The following NPAS3 variants were observed in gnomAD, a reference collection of about 807,000 sequenced individuals.
The protein encoded by NPAS3 is neuronal PAS domain-containing protein 3.
Under a neutral mutation model 73.1 loss-of-function variants are expected in NPAS3, and 14 were observed. That is an observed-to-expected ratio of 0.19 (90% CI 0.13 to 0.30). The LOEUF is 0.30. Among genes scored for constraint, NPAS3 ranks in the 10% least tolerant of loss-of-function variants. NPAS3 has a pLI of 1.00. For synonymous variants in NPAS3, 620 were observed against 541.5 expected, an observed-to-expected ratio of 1.14 and a Z score of -2.01; for missense variants, 1,096 against 1,250.0, an observed-to-expected ratio of 0.88 and a Z score of 1.86.
At chr14:33,481,589 A>G (rs1293859104) in intron 4 of NPAS3, among the ~76,000 whole-genome samples, 1 of 152,196 alleles carries the variant, frequency 6.6e-6, no homozygotes, top group Admixed American at 6.5e-5. Context: ...AGTTTATTTA[A>G]ATACAATTCT....
At chr14:33,641,246 C>T (rs914480092) in intron 5 of NPAS3, among the ~76,000 whole-genome samples, 20 of 152,244 alleles carry the variant, frequency 1.3e-4, no homozygotes, top group African/African-American at 4.6e-4. Context: ...TCTTTCTTAG[C>T]CCTCTCTGTA....
intron 3 of NPAS3, among the ~76,000 whole-genome samples, chr14:33,241,609 CT>C (rs1354992374): frequency 4.6e-5 from 7 of 151,956 alleles, no homozygotes; most frequent in Non-Finnish European, 1.0e-4. Context: ...CCTTAATAAT[CT>C]TGTTAGTCTA....
intron 4 of NPAS3, among the ~76,000 whole-genome samples, chr14:33,485,204 C>T (rs529256958): frequency 9.2e-4 from 140 of 152,254 alleles, no homozygotes; most frequent in African/African-American, 3.3e-3. Flanking sequence ...TTAGCCTCAT[C>T]TTTGTGTAAA....
intron 3 of NPAS3, among the ~76,000 whole-genome samples, chr14:33,319,767 C>T (rs900141068): frequency 2.0e-5 from 3 of 152,094 alleles, no homozygotes; most frequent in Non-Finnish European, 4.4e-5. Flanking sequence ...CTCCAAATGC[C>T]AACAGGGCCA....
At chr14:33,447,877 T>G (rs190300756) in intron 4 of NPAS3, among the ~76,000 whole-genome samples, 2 of 152,268 alleles carry the variant, frequency 1.3e-5, no homozygotes, top group South Asian at 2.1e-4. Context: ...ATTGTGCCAC[T>G]GTACTCTAGC....
chr14:33,775,876 G>A (rs769861094), intron 8 of NPAS3, among the ~76,000 whole-genome samples: 7 of 152,156 alleles, frequency 4.6e-5, no homozygotes, highest in Non-Finnish European at 1.0e-4. Context: ...CTACACATGG[G>A]GCGTGTGCAA....
At chr14:33,492,386 T>C (rs1349881448) in intron 4 of NPAS3, among the ~76,000 whole-genome samples, 1 of 152,086 alleles carries the variant, frequency 6.6e-6, no homozygotes, top group Non-Finnish European at 1.5e-5. Context: ...GGTAACATGC[T>C]TTTACTAAGG....
intron 4 of NPAS3, among the ~76,000 whole-genome samples, chr14:33,399,127 G>A (rs748034036): frequency 6.6e-5 from 10 of 152,028 alleles, no homozygotes; most frequent in South Asian, 4.1e-4. Context: ...GAAGAAAATC[G>A]TACATTTTAG....
At chr14:33,264,611 G>C (rs2049103984) in intron 3 of NPAS3, among the ~76,000 whole-genome samples, 1 of 152,132 alleles carries the variant, frequency 6.6e-6, no homozygotes, top group South Asian at 2.1e-4. Flanking sequence ...GTTAGTGTCT[G>C]AATGGTACTA....
intron 1 of NPAS3, among the ~76,000 whole-genome samples, chr14:32,967,069 A>G (rs994806438): frequency 5.9e-5 from 9 of 152,116 alleles, no homozygotes; most frequent in African/African-American, 2.2e-4. Context: ...GAACCTTGAA[A>G]AACATGGATT....
At chr14:33,350,587 T>C (rs1003571776) in intron 3 of NPAS3, among the ~76,000 whole-genome samples, 1 of 152,240 alleles carries the variant, frequency 6.6e-6, no homozygotes, top group African/African-American at 2.4e-5. Context: ...ACAAACGCAC[T>C]GAAGAGACAG....
In NPAS3 at chr14:33,521,333, T is replaced by C. The variant is rs896353693; in HGVS notation, c.469-38788T>C. On this transcript the variant is annotated intron_variant, in intron 4 of 11. Coordinates refer to ENST00000356141, the Ensembl canonical transcript of NPAS3. ...GCTTGATAAGTATCTCAGGATATTCTGCAGGAATCAGTTCTGTTTCTACAA... is the reference window on the plus strand; with the variant it reads ...GCTTGATAAGTATCTCAGGATATTCCGCAGGAATCAGTTCTGTTTCTACAA... Among the ~76,000 whole-genome samples the C allele has an allele frequency of 2.0e-5, 3 of 152,126 alleles. No homozygotes were observed. In the East Asian group the frequency reaches 5.8e-4, roughly 30 times the overall value.
chr14:33,333,104 G>T (rs1207898555), intron 3 of NPAS3, among the ~76,000 whole-genome samples: 1 of 152,168 alleles, frequency 6.6e-6, no homozygotes, highest in Non-Finnish European at 1.5e-5. Flanking sequence ...ACAGAATGGG[G>T]CATTGGTGGG....
chr14:33,445,999 G>A (rs1482040451), intron 4 of NPAS3, among the ~76,000 whole-genome samples: 1 of 150,190 alleles, frequency 6.7e-6, no homozygotes, highest in Non-Finnish European at 1.5e-5. Context: ...CAGTTTTTGT[G>A]GCTTTAGTGA....
intron 2 of NPAS3, among the ~76,000 whole-genome samples, chr14:33,156,387 A>C (rs2044649125): frequency 6.6e-6 from 1 of 152,172 alleles, no homozygotes; most frequent in Non-Finnish European, 1.5e-5. Context: ...AAGTTTGCTA[A>C]AGCTTTTTAA....
chr14:33,095,928 G>T (rs985934615), intron 2 of NPAS3, among the ~76,000 whole-genome samples: 5 of 151,454 alleles, frequency 3.3e-5, no homozygotes, highest in South Asian at 2.1e-4. Flanking sequence ...CGATTCGCCC[G>T]CCTTGGCCTC....
intron 5 of NPAS3, among the ~76,000 whole-genome samples, chr14:33,640,163 G>C (rs2058637237): frequency 2.0e-5 from 3 of 151,702 alleles, no homozygotes; most frequent in African/African-American, 7.3e-5. Flanking sequence ...GTTGCAGTGA[G>C]CCGAGATCGC....
rs540855354 is a variant in NPAS3, at chr14:33,772,782, A to G, written c.853-1555A>G. Among the ~76,000 whole-genome samples the G allele has an allele frequency of 2.0e-5, 3 of 152,282 alleles. No homozygotes were observed. In the East Asian group the frequency reaches 5.8e-4, roughly 29 times the overall value. ...ATGGTGTTTTAGCATCCTTGCCTCTAGGAACATCTTCAAATATTCATAAAG... is the reference window on the plus strand; with the variant it reads ...ATGGTGTTTTAGCATCCTTGCCTCTGGGAACATCTTCAAATATTCATAAAG... On this transcript the variant is annotated intron_variant, in intron 7 of 11. Transcript: ENST00000356141.
At chr14:33,680,504 G>A in intron 6 of NPAS3, 1 of 673,110 alleles carries the variant, frequency 1.5e-6, no homozygotes, top group Non-Finnish European at 2.7e-6. Context: ...GGGGTTTTTT[G>A]TATTTCTTTC....
Sources: gnomAD v4.1 joint callset for allele counts (sites outside exome capture counted in the v4.1 genomes callset) on GRCh38, gnomAD v4.1.1 for gene constraint, MANE v1.5 for transcripts, NCBI Gene and HGNC (gene_info 2026-07-23, HGNC 2026-07-21) for gene names.